The following SLC30A9 variants were observed in gnomAD, a reference collection of about 807,000 sequenced individuals.
SLC30A9 encodes the protein solute carrier family 30 member 9.
SLC30A9 carries 58 observed loss-of-function variants against 87.5 expected under a neutral mutation model. That is an observed-to-expected ratio of 0.66 (90% CI 0.54 to 0.82). The LOEUF (loss-of-function observed/expected upper bound fraction) is 0.82. Ranked by LOEUF, SLC30A9 falls within the 40% of genes least tolerant of loss-of-function variation. The pLI, the probability that SLC30A9 is intolerant of heterozygous loss-of-function variation, is 0.00. For synonymous variants in SLC30A9, 234 were observed against 233.0 expected, an observed-to-expected ratio of 1.00 and a Z score of -0.04; for missense variants, 557 against 679.1, an observed-to-expected ratio of 0.82 and a Z score of 2.00.
intron 2 of SLC30A9, among the ~76,000 whole-genome samples, chr4:42,010,210 C>T (rs190301285): frequency 1.3e-5 from 2 of 152,238 alleles, no homozygotes; most frequent in East Asian, 1.9e-4. Flanking sequence ...TGAAGTGGCT[C>T]ACACCTGTAA....
intron 6 of SLC30A9, among the ~76,000 whole-genome samples, chr4:42,033,242 C>T (rs1359448319): frequency 6.6e-6 from 1 of 151,992 alleles, no homozygotes; most frequent in Non-Finnish European, 1.5e-5. Context: ...ACAGATATTT[C>T]AGAGAACTCT....
chr4:42,052,711 A>G (rs1012994063), intron 9 of SLC30A9, among the ~76,000 whole-genome samples: 3 of 152,250 alleles, frequency 2.0e-5, no homozygotes, highest in Non-Finnish European at 4.4e-5. Flanking sequence ...CTTGACTCCT[A>G]CTTCACACAC....
In SLC30A9 at chr4:42,034,082, CAAAAATTTGAGAAAACACAGTAATAGA is replaced by C. The variant is rs1346684183; in HGVS notation, c.611-1188_611-1162del. On this transcript the variant is annotated intron_variant, in intron 6 of 17. Coordinates refer to ENST00000264451, the MANE Select transcript of SLC30A9 (RefSeq NM_006345.4). Reference sequence around the variant, plus strand: ...AAAGTTAAAAGAATTTTTTGTAATACAAAAATTTGAGAAAACACAGTAATAGAAAAATACTCTCTCATATTTTTCAAC... The same window carrying C: ...AAAGTTAAAAGAATTTTTTGTAATACAAAATACTCTCTCATATTTTTCAAC... 3.3e-5 allele frequency among the ~76,000 whole-genome samples: 5 copies of C among 151,922 alleles called. No homozygotes were observed. In the East Asian group the frequency reaches 9.7e-4, roughly 29 times the overall value.
At chr4:41,997,108 T>C (rs1714752841) in intron 1 of SLC30A9, among the ~76,000 whole-genome samples, 1 of 151,242 alleles carries the variant, frequency 6.6e-6, no homozygotes, top group Admixed American at 6.6e-5. Flanking sequence ...TAGAGAGGTA[T>C]GTCAAGATGC....
Position 42,001,432 on chromosome 4 carries a change from T to A in SLC30A9, c.110-184T>A, listed in dbSNP as rs539554761. 6.9e-3 allele frequency among the ~76,000 whole-genome samples: 1,056 copies of A among 152,186 alleles called. 7 individuals are homozygous for A. The highest frequency in any genetic ancestry group is 0.034 in the Middle Eastern group (10 of 294). On this transcript the variant is annotated intron_variant, in intron 1 of 17. Transcript: ENST00000264451. ...TATTTTATTTGATTTTTTATATTTT[T>A]AAAAATTTCCAAATAAGTTTACAAG... is the stretch of plus-strand genomic sequence containing the variant.
rs367557416 is a variant in SLC30A9 at position 42,033,785 on chromosome 4, C to T, written c.611-1490C>T. On this transcript the variant is annotated intron_variant, in intron 6 of 17. Coordinates refer to ENST00000264451, the MANE Select transcript of SLC30A9 (RefSeq NM_006345.4). Reference sequence around the variant, plus strand: ...AGAGACGGGGTTTCACCATGTTAGCCAGGATGGTCTCGATGATCTGACCTT... The same window carrying T: ...AGAGACGGGGTTTCACCATGTTAGCTAGGATGGTCTCGATGATCTGACCTT... Among the ~76,000 whole-genome samples the T allele has an allele frequency of 2.2e-3, 334 of 152,278 alleles. 1 individual carries two copies. Among genetic ancestry groups the T allele is most frequent in the African/African-American group, 7.7e-3 (320 of 41,558 alleles).
chr4:42,052,845 G>A (rs1244159206), intron 9 of SLC30A9, among the ~76,000 whole-genome samples: 1 of 152,148 alleles, frequency 6.6e-6, no homozygotes, highest in Non-Finnish European at 1.5e-5. Flanking sequence ...ATAGGACACA[G>A]AAACAATATC....
chr4:42,060,330 T>G, intron 10 of SLC30A9, 84 bp downstream of exon 10: 1 of 1,018,730 alleles, frequency 9.8e-7, no homozygotes, highest in Non-Finnish European at 1.5e-6. Context: ...TCCTGCAATT[T>G]ATGTACCTGC....
At chr4:42,020,017 C>G (rs1312527587) in intron 3 of SLC30A9, among the ~76,000 whole-genome samples, 1 of 152,028 alleles carries the variant, frequency 6.6e-6, no homozygotes, top group African/African-American at 2.4e-5. Flanking sequence ...CCAGGCTGGT[C>G]TCAAACTCTT....
intron 2 of SLC30A9, among the ~76,000 whole-genome samples, chr4:42,012,496 G>T (rs746998253): frequency 6.6e-6 from 1 of 152,138 alleles, no homozygotes; most frequent in South Asian, 2.1e-4. Flanking sequence ...CATAGTAGGT[G>T]TATATATGGA....
intron 6 of SLC30A9, among the ~76,000 whole-genome samples, chr4:42,028,444 G>A (rs1278531024): frequency 6.6e-6 from 1 of 152,200 alleles, no homozygotes; most frequent in African/African-American, 2.4e-5. Flanking sequence ...CAAAGAAGAT[G>A]TGAAAATACT....
intron 11 of SLC30A9, among the ~76,000 whole-genome samples, chr4:42,064,688 A>G (rs960862929): frequency 3.9e-5 from 6 of 152,294 alleles, no homozygotes; most frequent in South Asian, 2.1e-4. Context: ...TCAGTTGTGT[A>G]TAAGTTTTAA....
At chr4:42,064,427 T>C (rs1375488280) in intron 11 of SLC30A9, among the ~76,000 whole-genome samples, 1 of 151,656 alleles carries the variant, frequency 6.6e-6, no homozygotes, top group Non-Finnish European at 1.5e-5. Context: ...ATCATGCAAA[T>C]CTACTTAATA....
chr4:42,053,440 G>A (rs1387204090), intron 9 of SLC30A9, among the ~76,000 whole-genome samples: 4 of 151,872 alleles, frequency 2.6e-5, no homozygotes, highest in Admixed American at 1.3e-4. Flanking sequence ...TCTGTAATCC[G>A]AGCACTTTGG....
At chr4:42,040,433 A>G (rs916247841) in intron 8 of SLC30A9, among the ~76,000 whole-genome samples, 12 of 152,136 alleles carry the variant, frequency 7.9e-5, no homozygotes, top group African/African-American at 2.9e-4. Flanking sequence ...TTTTTAGTAT[A>G]TAGATGATAA....
At chr4:42,075,365 C>A (rs1308820810) in intron 15 of SLC30A9, among the ~76,000 whole-genome samples, 1 of 151,656 alleles carries the variant, frequency 6.6e-6, no homozygotes, top group African/African-American at 2.4e-5. Context: ...TGAGCCACTG[C>A]GCCCAGCAGA....
In SLC30A9 at chr4:42,039,084, A is replaced by G. The variant is rs202062130; in HGVS notation, c.737+31A>G. ...TACTGAAAAATAAGCTTTGTGAAATAGAATATATTCTTTTAAATATGTATA... is the reference window on the plus strand; with the variant it reads ...TACTGAAAAATAAGCTTTGTGAAATGGAATATATTCTTTTAAATATGTATA... On this transcript the variant is annotated intron_variant, in intron 8 of 17. Coordinates refer to ENST00000264451, the MANE Select transcript of SLC30A9 (RefSeq NM_006345.4). 73 of 1,486,886 alleles carry G rather than the reference A, an allele frequency of 4.9e-5. No individual in the cohort carries two copies. In the African/African-American group the frequency reaches 5.8e-4, roughly 12 times the overall value. The allele number at this position is 1,486,886 out of a possible 1,614,324, so 92.1% of individuals were successfully genotyped here.
At chr4:42,085,858 A>G (rs1194238719) in intron 17 of SLC30A9, among the ~76,000 whole-genome samples, 1 of 151,822 alleles carries the variant, frequency 6.6e-6, no homozygotes, top group Non-Finnish European at 1.5e-5. Context: ...GTATTAACAA[A>G]CACATGAACA....
At chr4:42,028,806 A>C (rs1456053517) in intron 6 of SLC30A9, among the ~76,000 whole-genome samples, 1 of 152,226 alleles carries the variant, frequency 6.6e-6, no homozygotes. Context: ...AGGATTGAAA[A>C]ATTCAAAATG....
Sources: allele counts gnomAD v4.1 joint callset (sites outside exome capture counted in the v4.1 genomes callset), GRCh38; gene constraint gnomAD v4.1.1; transcripts MANE v1.5; gene names NCBI Gene and HGNC (gene_info 2026-07-23, HGNC 2026-07-21).